Variants in SLC45A4 observed in about 807,000 individuals in gnomAD.
The protein encoded by SLC45A4 is polyamine-transporter SLC45A4.
SLC45A4 carries 32 observed loss-of-function variants against 63.7 expected under a neutral mutation model. The observed-to-expected ratio is 0.50, with a 90% CI of 0.38 to 0.67. The LOEUF is 0.67. Ranked by LOEUF, SLC45A4 falls within the 30% of genes least tolerant of loss-of-function variation. The probability of loss-of-function intolerance (pLI) is 0.00; values close to 1 mark genes in which losing one functional copy is unlikely to be tolerated. For missense variants in SLC45A4, 1,027 were observed against 1,157.7 expected, an observed-to-expected ratio of 0.89 and a Z score of 1.64; for synonymous variants, 535 against 510.0, an observed-to-expected ratio of 1.05 and a Z score of -0.66.
chr8:141,255,013 T>C (rs1253903546), intron 1 of SLC45A4, among the ~76,000 whole-genome samples: 1 of 151,976 alleles, frequency 6.6e-6, no homozygotes, highest in Non-Finnish European at 1.5e-5. Flanking sequence ...GCTGCAGATA[T>C]CATGAAAGGG....
Position 141,212,416 on chromosome 8 carries a change from G to A in SLC45A4, c.2082C>T (p.Val694=). ...AGCCCACAGAGGCCACCATGGGGATGACGCGGACAGTCCCCACGGCGTCGA... is the reference window on the plus strand; with the variant it reads ...AGCCCACAGAGGCCACCATGGGGATAACGCGGACAGTCCCCACGGCGTCGA... The part of the protein sequence containing the change: ...GVVDAVGTVR[V]IPMVASVGSF... The change falls in exon 8 of 9, where the codon GTC becomes GTT. Residue 694 remains valine, a synonymous_variant. Coordinates refer to ENST00000517878, the MANE Select transcript of SLC45A4 (RefSeq NM_001286646.2). 1 of 1,613,768 alleles carries A rather than the reference G, an allele frequency of 6.2e-7. No individual in the cohort carries two copies.
chr8:141,221,148 A>T (rs1460321198), intron 3 of SLC45A4, among the ~76,000 whole-genome samples: 1 of 152,278 alleles, frequency 6.6e-6, no homozygotes, highest in Non-Finnish European at 1.5e-5. Flanking sequence ...GGTGCCCTCA[A>T]GGCAAAAACT....
intron 1 of SLC45A4, among the ~76,000 whole-genome samples, chr8:141,255,738 CAAACAAAAA>C (rs1021983625): frequency 4.5e-4 from 34 of 75,740 alleles, no homozygotes; most frequent in African/African-American, 2.3e-3. Context: ...CAAAAACAAA[CAAACAAAAA>C]AAACAAAAAG....
Position 141,215,741 on chromosome 8 carries a change from G to A in SLC45A4, c.1941+18C>T, listed in dbSNP as rs761560675. 3.7e-6 allele frequency: 6 copies of A among 1,611,020 alleles called. No individual in the cohort carries two copies. In the African/African-American group the frequency reaches 6.7e-5, roughly 18 times the overall value. ...TCAGGAGGCTGGAGCGCAGATCTCA[G>A]GGCTACGGTGGACGCACCTGCTTGA... On this transcript the variant is annotated intron_variant, in intron 7 of 8. Transcript: ENST00000517878. The surrounding 1 kb of genome is among the most constrained non-coding windows in gnomAD (Gnocchi z 4.3).
intron 2 of SLC45A4, among the ~76,000 whole-genome samples, chr8:141,241,419 T>A (rs1827909624): frequency 6.6e-6 from 1 of 152,118 alleles, no homozygotes; most frequent in Non-Finnish European, 1.5e-5. Flanking sequence ...GGAAGGGAGA[T>A]GGGAGGCTGC....
intron 1 of SLC45A4, among the ~76,000 whole-genome samples, chr8:141,285,991 T>G (rs1480824476): frequency 6.6e-6 from 1 of 151,886 alleles, no homozygotes; most frequent in Non-Finnish European, 1.5e-5. Context: ...TTGCCTGGGG[T>G]GGGGGCAGAC....
chr8:141,224,002 GTTT>G (rs71322119), intron 2 of SLC45A4, among the ~76,000 whole-genome samples: 1 of 145,268 alleles, frequency 6.9e-6, no homozygotes, highest in Non-Finnish European at 1.5e-5. Context: ...ATTTTCTGTA[GTTT>G]TTTTTTTTTT....
At chr8:141,289,676 G>A (rs543883776) in intron 1 of SLC45A4, among the ~76,000 whole-genome samples, 2 of 152,206 alleles carry the variant, frequency 1.3e-5, no homozygotes, top group Non-Finnish European at 2.9e-5. Context: ...TAAGAGGTCA[G>A]GGGCCAGAGG....
At chr8:141,228,916 C>T (rs2154614272) in intron 2 of SLC45A4, among the ~76,000 whole-genome samples, 1 of 152,238 alleles carries the variant, frequency 6.6e-6, no homozygotes, top group South Asian at 2.1e-4. Flanking sequence ...CTCTGTCACC[C>T]ACCACTCATG....
At chr8:141,283,733 C>A (rs1563672746) in intron 1 of SLC45A4, among the ~76,000 whole-genome samples, 1 of 152,170 alleles carries the variant, frequency 6.6e-6, no homozygotes, top group African/African-American at 2.4e-5. Flanking sequence ...CACACTTCCA[C>A]GTGGACCCAG....
In SLC45A4 at chr8:141,254,498, T is replaced by C; in HGVS notation, c.-269A>G. On this transcript the variant is annotated 5_prime_UTR_variant, in exon 2 of 9. Coordinates refer to ENST00000517878, the MANE Select transcript of SLC45A4 (RefSeq NM_001286646.2). This position sits in a 1 kb window ranked among gnomAD's most constrained non-coding sequence, Gnocchi z 4.5. ...TGAATTAGAGTTAAAAATCCATAAT[T>C]GCCATTCAGTTAATACCAGTTTCAT... 1.5e-6 allele frequency: 1 copy of C among 686,694 alleles called. No homozygotes were observed. The highest frequency in any genetic ancestry group is 2.7e-6 in the Non-Finnish European group (1 of 375,406). 42.5% of individuals were successfully genotyped at this position (686,694 alleles called of 1,614,324 possible).
chr8:141,277,186 C>T (rs569911894), intron 1 of SLC45A4, among the ~76,000 whole-genome samples: 8 of 152,206 alleles, frequency 5.3e-5, no homozygotes, highest in South Asian at 4.1e-4. Context: ...GGACAGACAT[C>T]GTTTTGTCTG....
intron 2 of SLC45A4, among the ~76,000 whole-genome samples, chr8:141,223,653 A>AC (rs1418116043): frequency 6.6e-6 from 1 of 152,020 alleles, no homozygotes; most frequent in Non-Finnish European, 1.5e-5. Context: ...CTGCCTGGGA[A>AC]CCCCTCCTGC....
chr8:141,212,666 A>ACGG, intron 7 of SLC45A4, 110 bp from the exon 8 acceptor site: 2 of 1,356,396 alleles, frequency 1.5e-6, no homozygotes, highest in South Asian at 3.0e-5. Context: ...CCCGTCTTCC[A>ACGG]CCGAGTCTCT....
intron 1 of SLC45A4, among the ~76,000 whole-genome samples, chr8:141,291,831 C>T (rs1411677752): frequency 6.6e-6 from 1 of 152,202 alleles, no homozygotes; most frequent in Non-Finnish European, 1.5e-5. Flanking sequence ...TAACCCAGGA[C>T]AGACCCAGCC....
In SLC45A4 at chr8:141,241,184, G is replaced by A. The variant is rs1231093120; in HGVS notation, c.241+12805C>T. Among the ~76,000 whole-genome samples the A allele has an allele frequency of 3.3e-5, 5 of 152,378 alleles. No individual in the cohort carries two copies. In the East Asian group the frequency reaches 5.8e-4, roughly 18 times the overall value. ...AAATGTAGTGCATAACACACACAGC[G>A]TCACAAACGGCCAGGCTGCGGTGAG... On this transcript the variant is annotated intron_variant, in intron 2 of 8. Coordinates refer to ENST00000517878, the MANE Select transcript of SLC45A4 (RefSeq NM_001286646.2).
intron 2 of SLC45A4, among the ~76,000 whole-genome samples, chr8:141,231,676 A>G (rs1827364663): frequency 6.6e-6 from 1 of 152,200 alleles, no homozygotes; most frequent in Non-Finnish European, 1.5e-5. Context: ...CCCAGGGACC[A>G]TGGGGGACCC....
intron 4 of SLC45A4, 115 bp from the exon 5 acceptor site, chr8:141,219,144 CAG>C (rs1826417395): frequency 8.2e-7 from 1 of 1,214,952 alleles, no homozygotes; most frequent in Non-Finnish European, 1.1e-6. Flanking sequence ...TGATGGGAGT[CAG>C]GGGCTGGAGA....
At chr8:141,276,818 C>T (rs1243147336) in intron 1 of SLC45A4, among the ~76,000 whole-genome samples, 2 of 152,262 alleles carry the variant, frequency 1.3e-5, no homozygotes, top group African/African-American at 2.4e-5. Context: ...GGGTAGTTTA[C>T]AGCATCCTCC....
Sources: gnomAD v4.1 joint callset for allele counts (sites outside exome capture counted in the v4.1 genomes callset) on GRCh38, gnomAD v4.1.1 for gene constraint, Gnocchi (gnomAD v3.1) non-coding constraint, MANE v1.5 for transcripts, NCBI Gene and HGNC (gene_info 2026-07-23, HGNC 2026-07-21) for gene names.